The following MICAL2 variants were observed in gnomAD, a reference collection of about 807,000 sequenced individuals.
MICAL2 encodes microtubule associated monooxygenase, calponin and LIM domain containing 2.
Under a neutral mutation model 127.3 loss-of-function variants are expected in MICAL2, and 77 were observed. The observed-to-expected ratio is 0.60, with a 90% CI of 0.50 to 0.73. The LOEUF (loss-of-function observed/expected upper bound fraction) is 0.73. Among genes scored for constraint, MICAL2 ranks in the 30% least tolerant of loss-of-function variants. MICAL2 has a pLI of 0.00. For synonymous variants in MICAL2, 570 were observed against 551.1 expected, an observed-to-expected ratio of 1.03 and a Z score of -0.48; for missense variants, 1,351 against 1,434.4, an observed-to-expected ratio of 0.94 and a Z score of 0.94.
intron 32 of MICAL2, among the ~76,000 whole-genome samples, chr11:12,328,382 G>A (rs1864378000): frequency 6.6e-6 from 1 of 152,160 alleles, no homozygotes. Flanking sequence ...AAGCCATCAA[G>A]CAAGGCTTCT....
downstream of MICAL2, chr11:12,293,900 G>A: frequency 6.2e-7 from 1 of 1,611,654 alleles, no homozygotes; most frequent in Non-Finnish European, 8.5e-7. Context: ...CCGGGAAAAA[G>A]GGAGTACTGG....
At position 12,243,133 on chromosome 11, in the gene MICAL2, A is replaced by G. The variant is rs542036237; in HGVS notation, c.2658+361A>G. On this transcript the variant is annotated intron_variant, in intron 20 of 27. Transcript: ENST00000683283. ...AACAGTCATCAGTTGCAGAATCACA[A>G]TGCCTTTACCCAGTTGCTTGTGATG... The G allele has an allele frequency of 2.4e-3, 413 of 174,576 alleles. 1 individual carries two copies. The highest frequency in any genetic ancestry group is 9.4e-3 in the African/African-American group (394 of 41,774). The allele number at this position is 174,576 out of a possible 1,614,324, so 10.8% of individuals were successfully genotyped here.
At position 12,327,038 on chromosome 11, in the gene MICAL2, C is replaced by T. The variant is rs1259792989; in HGVS notation, c.5422-135C>T. On this transcript the variant is annotated intron_variant, in intron 31 of 34. Transcript: ENST00000646065. ...TATAGTTGTCTGGGAATTCAGAGGTCCTTGCCTAGTTATTCAAGGCAGGAC... is the reference window on the plus strand; with the variant it reads ...TATAGTTGTCTGGGAATTCAGAGGTTCTTGCCTAGTTATTCAAGGCAGGAC... 5.4e-6 allele frequency: 4 copies of T among 740,748 alleles called. No individual in the cohort carries two copies. The Admixed American group carries it at 6.4e-5, about 12-fold the overall frequency. The allele number at this position is 740,748 out of a possible 1,614,324, so 45.9% of individuals were successfully genotyped here.
chr11:12,349,679 G>A (rs1312505240), intron 32 of MICAL2, among the ~76,000 whole-genome samples: 5 of 152,076 alleles, frequency 3.3e-5, no homozygotes, highest in African/African-American at 7.2e-5. Context: ...GGTTTTATTT[G>A]TCATACCCAT....
chr11:12,258,638 T>A (rs1164177216), intron 25 of MICAL2, 82 bp downstream of exon 25: 10 of 1,285,226 alleles, frequency 7.8e-6, no homozygotes, highest in Admixed American at 3.6e-5. Context: ...TTAGGCCAGC[T>A]TTGCTGGCCC....
chr11:12,297,534 A>G (rs1030179156), intron 29 of MICAL2, among the ~76,000 whole-genome samples: 1 of 152,068 alleles, frequency 6.6e-6, no homozygotes, highest in African/African-American at 2.4e-5. Flanking sequence ...TTTATATACT[A>G]GTTTGAAACA....
chr11:12,318,834 C>T (rs1202884704), intron 29 of MICAL2, among the ~76,000 whole-genome samples: 2 of 152,134 alleles, frequency 1.3e-5, no homozygotes, highest in Non-Finnish European at 2.9e-5. Context: ...CACATGGTCC[C>T]CGGCCAGATC....
intron 2 of MICAL2, among the ~76,000 whole-genome samples, chr11:12,153,765 A>AT (rs1240757506): frequency 1.3e-5 from 2 of 152,194 alleles, no homozygotes; most frequent in Non-Finnish European, 2.9e-5. Context: ...GAATTTGCTT[A>AT]TTGTGGTCAC....
rs752263245 is a variant in MICAL2, at chr11:12,221,728, G to A, written c.1291G>A (p.Gly431Ser). Residue 431 changes from glycine to serine, a missense_variant, in exon 10 of 28, where the codon GGC becomes AGC. By Grantham distance (56) the Gly-to-Ser change is moderately conservative (BLOSUM62 0). Coordinates refer to ENST00000683283, the MANE Select transcript of MICAL2 (RefSeq NM_001282663.2). The part of the protein sequence containing the change: ...TAWMVKSWNQ[G>S]TPPLELLAER... ...ATGGATGGTGAAGAGCTGGAACCAG[G>A]GCACCCCTCCCCTGGAGCTGCTGGC... 5.0e-6 allele frequency: 8 copies of A among 1,613,680 alleles called. No homozygotes were observed. The Admixed American group carries it at 1.3e-4, about 27-fold the overall frequency.
Position 12,226,238 on chromosome 11 carries a change from C to T in MICAL2, c.1756C>T (p.Arg586Ter), listed in dbSNP as rs574255304. Reference protein sequence around the residue: ...NNQLAFDVAEREFGIPPVTTG... With the variant: ...NNQLAFDVAE ...CCAGCTCGCATTTGATGTGGCCGAG[C>T]GAGAGTTTGGGATCCCTCCAGTGAC... Residue 586 changes from arginine (R) to a stop codon, truncating the protein, a stop_gained, in exon 14 of 28, where the codon CGA becomes TGA. Coordinates refer to ENST00000683283, the MANE Select transcript of MICAL2 (RefSeq NM_001282663.2). LOFTEE classifies it high-confidence loss of function. The T allele has an allele frequency of 3.7e-6, 6 of 1,614,100 alleles. No individual in the cohort carries two copies. Among genetic ancestry groups the T allele is most frequent in the Admixed American group, 1.7e-5 (1 of 60,008 alleles).
intron 1 of MICAL2, chr11:12,276,553 C>A (rs1863724283): frequency 6.3e-6 from 1 of 158,890 alleles, no homozygotes; most frequent in South Asian, 2.1e-4. Flanking sequence ...TGGGGCTGGG[C>A]AGGCTAGGAT....
upstream of MICAL2, chr11:12,274,285 G>C (rs532844451): frequency 2.0e-5 from 3 of 152,254 alleles, no homozygotes; most frequent in African/African-American, 7.2e-5. Flanking sequence ...AGAGCTGGGC[G>C]CATTCACTCA....
chr11:12,310,821 G>A (rs1434481506), intron 29 of MICAL2, among the ~76,000 whole-genome samples: 1 of 151,936 alleles, frequency 6.6e-6, no homozygotes, highest in Non-Finnish European at 1.5e-5. Context: ...TTCTTTCCAT[G>A]TTTTGGGTGT....
intron 29 of MICAL2, among the ~76,000 whole-genome samples, chr11:12,317,790 T>TC (rs1864247529): frequency 9.6e-6 from 1 of 104,636 alleles, no homozygotes; most frequent in South Asian, 2.9e-4. Context: ...AGACTCCGTC[T>TC]CAAAAAAAAA....
At chr11:12,160,727 C>T (rs1565065405) in intron 2 of MICAL2, among the ~76,000 whole-genome samples, 1 of 152,236 alleles carries the variant, frequency 6.6e-6, no homozygotes, top group Non-Finnish European at 1.5e-5. Flanking sequence ...GGCTTCCATG[C>T]CCTTGGTTCA....
At chr11:12,220,709 G>C (rs1412326644) in intron 9 of MICAL2, among the ~76,000 whole-genome samples, 1 of 152,198 alleles carries the variant, frequency 6.6e-6, no homozygotes, top group Admixed American at 6.5e-5. Flanking sequence ...CTTCTTTGAT[G>C]AAGTACAAAA....
chr11:12,258,363 G>C, intron 24 of MICAL2, 105 bp from the exon 25 acceptor site: 1 of 862,400 alleles, frequency 1.2e-6, no homozygotes, highest in Non-Finnish European at 1.9e-6. Flanking sequence ...TATTTCCATC[G>C]TTACTATTTT....
intron 3 of MICAL2, among the ~76,000 whole-genome samples, chr11:12,190,857 A>T (rs1290603212): frequency 6.6e-6 from 1 of 152,262 alleles, no homozygotes; most frequent in Non-Finnish European, 1.5e-5. Context: ...AAATCAAGAG[A>T]TAAAATAGTT....
intron 3 of MICAL2, among the ~76,000 whole-genome samples, chr11:12,191,696 G>A (rs1368998838): frequency 6.6e-6 from 1 of 152,148 alleles, no homozygotes; most frequent in East Asian, 1.9e-4. Flanking sequence ...GAGCCTGGGA[G>A]GTCAAGGCTA....
Sources: allele counts gnomAD v4.1 joint callset (sites outside exome capture counted in the v4.1 genomes callset), GRCh38; gene constraint gnomAD v4.1.1; transcripts MANE v1.5; gene names NCBI Gene and HGNC (gene_info 2026-07-23, HGNC 2026-07-21).